The following HTR3C variants were observed in gnomAD, a reference collection of about 807,000 sequenced individuals.
HTR3C encodes the protein 5-hydroxytryptamine receptor 3C.
Under a neutral mutation model 40.5 loss-of-function variants are expected in HTR3C, and 32 were observed. The observed-to-expected ratio is 0.79, with a 90% CI of 0.60 to 1.06. The LOEUF (loss-of-function observed/expected upper bound fraction) is 1.06, where lower values mean the gene tolerates loss of function less well. Ranked by LOEUF, HTR3C falls within the 50% of genes least tolerant of loss-of-function variation. HTR3C has a pLI of 0.00. For synonymous variants in HTR3C, 209 were observed against 217.1 expected, an observed-to-expected ratio of 0.96 and a Z score of 0.33; for missense variants, 523 against 556.8, an observed-to-expected ratio of 0.94 and a Z score of 0.61.
At chr3:184,058,140 G>A (rs1298561047) in intron 5 of HTR3C, among the ~76,000 whole-genome samples, 2 of 152,112 alleles carry the variant, frequency 1.3e-5, no homozygotes, top group African/African-American at 4.8e-5. Context: ...GACTGAGAAG[G>A]AAAATAGGAA....
Position 184,059,568 on chromosome 3 carries a change from C to T in HTR3C, c.853C>T (p.Leu285Phe). ...GAATCGTGCCCCATTCAAGATAACA[C>T]TTCTGCTGGGCTACAACGTCTTCCT... ...SENRAPFKIT[L>F]LLGYNVFLLM... Residue 285 changes from leucine to phenylalanine, a missense_variant, in exon 7 of 9, where the codon CTT becomes TTT. Coordinates refer to ENST00000318351, the MANE Select transcript of HTR3C (RefSeq NM_130770.3). 1 of 1,614,142 alleles carries T rather than the reference C, an allele frequency of 6.2e-7. No individual in the cohort carries two copies. Among genetic ancestry groups the T allele is most frequent in the Non-Finnish European group, 8.5e-7 (1 of 1,180,022 alleles).
chr3:184,056,850 T>C, intron 4 of HTR3C, 25 bp from the exon 5 acceptor site: 1 of 1,567,790 alleles, frequency 6.4e-7, no homozygotes, highest in Non-Finnish European at 8.7e-7. Flanking sequence ...TAAGCCTCCA[T>C]CTCTTCCCTC....
chr3:184,056,398 C>T (rs1398052859), intron 4 of HTR3C, 112 bp downstream of exon 4: 14 of 734,160 alleles, frequency 1.9e-5, no homozygotes, highest in Admixed American at 1.4e-4. Context: ...ACAGTCTCAA[C>T]GAACTGACTT....
intron 8 of HTR3C, 50 bp downstream of exon 8, chr3:184,060,093 A>T (rs780603414): frequency 6.2e-7 from 1 of 1,602,370 alleles, no homozygotes; most frequent in Non-Finnish European, 8.5e-7. Flanking sequence ...TGGGCCCAGC[A>T]CTCCTCTAAT....
Position 184,060,633 on chromosome 3 carries a change from C to T in HTR3C, c.*281C>T. 1 of 506,968 alleles carries T rather than the reference C, an allele frequency of 2.0e-6. No individual in the cohort carries two copies. The highest frequency in any genetic ancestry group is 3.6e-6 in the Non-Finnish European group (1 of 279,066). The allele number at this position is 506,968 out of a possible 1,614,324, so 31.4% of individuals were successfully genotyped here. A position where few individuals can be genotyped will look rare whatever the true frequency, so the allele number is the denominator to read the frequency against. On this transcript the variant is annotated 3_prime_UTR_variant, in exon 9 of 9. Coordinates refer to ENST00000318351, the MANE Select transcript of HTR3C (RefSeq NM_130770.3). ...CAATGGAAGTCCAGGTCAGTGGAGT[C>T]TCTCCTTGATTGATCACCCCAATAA...
chr3:184,056,379 G>C (rs1385364684), intron 4 of HTR3C, 93 bp downstream of exon 4: 1 of 818,166 alleles, frequency 1.2e-6, no homozygotes, highest in Non-Finnish European at 2.1e-6. Flanking sequence ...GAAAGATTCA[G>C]ACAGGCACAC....
chr3:184,054,844 C>T lies in HTR3C; in HGVS notation c.191C>T (p.Thr64Ile). Reference sequence around the variant, plus strand: ...CCATTCACCAACTACAGCATCCCTACCCGTGTCAACATCTCCTTCACCCTG... The same window carrying T: ...CCATTCACCAACTACAGCATCCCTATCCGTGTCAACATCTCCTTCACCCTG... ...FRPFTNYSIP[T>I]RVNISFTLSA... is the part of the protein sequence containing the mutation. The change falls in exon 2 of 9, where the codon ACC (threonine) becomes ATC (isoleucine). Residue 64 changes from threonine to isoleucine, a missense_variant. Transcript: ENST00000318351. 6.2e-7 allele frequency: 1 copy of T among 1,613,086 alleles called. No individual in the cohort carries two copies. The highest frequency in any genetic ancestry group is 8.5e-7 in the Non-Finnish European group (1 of 1,179,436).
chr3:184,060,397 C>G lies in HTR3C; in HGVS notation c.*45C>G. The G allele has an allele frequency of 1.7e-5, 27 of 1,611,750 alleles. No individual in the cohort carries two copies. Among genetic ancestry groups the G allele is most frequent in the Non-Finnish European group, 2.3e-5 (27 of 1,177,886 alleles). ...GGCAAACAACAGCTTGGAGTTTCTG[C>G]TGGTCTTGGGCCAGCCGGACTCATT... On this transcript the variant is annotated 3_prime_UTR_variant, in exon 9 of 9. Coordinates refer to ENST00000318351, the MANE Select transcript of HTR3C (RefSeq NM_130770.3).
At position 184,060,181 on chromosome 3, in the gene HTR3C, GA is replaced by G; in HGVS notation, c.1175del (p.Lys392SerfsTer20). 1 of 1,614,196 alleles carries G rather than the reference GA, an allele frequency of 6.2e-7. No homozygotes were observed. Among genetic ancestry groups the G allele is most frequent in the Non-Finnish European group, 8.5e-7 (1 of 1,180,038 alleles). Reference protein sequence around the residue: ...PKEPGELAGKKLGPRETEPDG... With the variant: ...PKEPGELAGKXLGPRETEPDG... Reference sequence around the variant, plus strand: ...AGGAGCCGGGGGAGTTAGCAGGGAAGAAGCTGGGACCCAGAGAGACCGAGCC... The same window carrying G: ...AGGAGCCGGGGGAGTTAGCAGGGAAGAGCTGGGACCCAGAGAGACCGAGCC... On this transcript the variant is annotated frameshift_variant, in exon 9 of 9. Coordinates refer to ENST00000318351, the MANE Select transcript of HTR3C (RefSeq NM_130770.3). LOFTEE classifies it low-confidence loss of function (END_TRUNC).
rs1177530871 is a variant in HTR3C, at chr3:184,057,050, T to C, written c.559+6T>C. 1.9e-6 allele frequency: 3 copies of C among 1,590,418 alleles called. No individual in the cohort carries two copies. The highest frequency in any genetic ancestry group is 1.4e-5 in the African/African-American group (1 of 73,118). ...CAGTTCTTTCCTCTACACAGGTAAG[T>C]GTGACACATTTTGGTAGCTGTTTAA... On this transcript the variant is annotated splice_donor_region_variant and intron_variant, in intron 5 of 8. Transcript: ENST00000318351.
intron 2 of HTR3C, 152 bp from the exon 3 acceptor site, chr3:184,055,160 C>T (rs1013880183): frequency 1.7e-5 from 11 of 660,144 alleles, no homozygotes; most frequent in Admixed American, 2.6e-5. Context: ...CAGAATTGCC[C>T]ATAGACACAG....
In HTR3C at chr3:184,056,863, T is replaced by C; in HGVS notation, c.390-12T>C. 6.3e-7 allele frequency: 1 copy of C among 1,583,566 alleles called. No individual in the cohort carries two copies. Among genetic ancestry groups the C allele is most frequent in the South Asian group, 1.1e-5 (1 of 87,328 alleles). ...ATTAAGCCTCCATCTCTTCCCTCCC[T>C]TCCCCAAACAGCATGGATGTGGATC... On this transcript the variant is annotated splice_polypyrimidine_tract_variant and intron_variant, in intron 4 of 8. Coordinates refer to ENST00000318351, the MANE Select transcript of HTR3C (RefSeq NM_130770.3).
In HTR3C at chr3:184,056,291, G is replaced by A. The variant is rs753617585; in HGVS notation, c.389+5G>A. The A allele has an allele frequency of 2.6e-5, 41 of 1,598,120 alleles. No homozygotes were observed. Among genetic ancestry groups the A allele is most frequent in the South Asian group, 1.3e-4 (12 of 90,750 alleles). On this transcript the variant is annotated splice_donor_5th_base_variant and intron_variant, in intron 4 of 8. Coordinates refer to ENST00000318351, the MANE Select transcript of HTR3C (RefSeq NM_130770.3). ...AGACATCTTCATCGTGGAATCGTGCGTATGCAGGCTGGGGAAGCCAGCGTG... is the reference window on the plus strand; with the variant it reads ...AGACATCTTCATCGTGGAATCGTGCATATGCAGGCTGGGGAAGCCAGCGTG...
chr3:184,056,903 C>T lies in HTR3C; in HGVS notation c.418C>T (p.Leu140Phe), dbSNP rs1436847557. ...SMDVDQTPSGLTAYISSEGRI... is the reference protein window; with the variant it reads ...SMDVDQTPSGFTAYISSEGRI... ...GGATGTGGATCAGACGCCTTCCGGTCTCACTGCCTATATCAGCAGTGAAGG... is the reference window on the plus strand; with the variant it reads ...GGATGTGGATCAGACGCCTTCCGGTTTCACTGCCTATATCAGCAGTGAAGG... Residue 140 changes from leucine to phenylalanine, a missense_variant, in exon 5 of 9, where the codon CTC becomes TTC. By Grantham distance (22) the Leu-to-Phe change is conservative. Transcript: ENST00000318351. 1 of 1,611,648 alleles carries T rather than the reference C, an allele frequency of 6.2e-7. No individual in the cohort carries two copies.
At chr3:184,059,010 C>T (rs1723386478) in intron 6 of HTR3C, among the ~76,000 whole-genome samples, 1 of 152,106 alleles carries the variant, frequency 6.6e-6, no homozygotes, top group Non-Finnish European at 1.5e-5. Context: ...GAGGGTTGGG[C>T]ACCTGCTCCC....
Position 184,060,313 on chromosome 3 carries a change from C to T in HTR3C, c.1305C>T (p.Ala435=). The change falls in exon 9 of 9, where the codon GCC becomes GCT. Residue 435 remains alanine, a synonymous_variant. Coordinates refer to ENST00000318351, the MANE Select transcript of HTR3C (RefSeq NM_130770.3). The part of the protein sequence containing the change: ...LLFRLYLLFM[A]SSILTVIVLW... ...TCCGCCTCTACCTGCTCTTCATGGC[C>T]TCCTCCATCCTTACTGTCATTGTCC... 3 of 1,614,216 alleles carry T rather than the reference C, an allele frequency of 1.9e-6. No individual in the cohort carries two copies. Among genetic ancestry groups the T allele is most frequent in the Non-Finnish European group, 2.5e-6 (3 of 1,180,042 alleles).
chr3:184,054,640 G>T, intron 1 of HTR3C, 81 bp from the exon 2 acceptor site: 1 of 1,231,020 alleles, frequency 8.1e-7, no homozygotes, highest in African/African-American at 1.6e-5. Context: ...CTCTCAGTAC[G>T]TCCCCTATTT....
Position 184,056,250 on chromosome 3 carries a change from A to C in HTR3C, c.353A>C (p.Glu118Ala). The C allele has an allele frequency of 6.2e-7, 1 of 1,613,930 alleles. No individual in the cohort carries two copies. Among genetic ancestry groups the C allele is most frequent in the Non-Finnish European group, 8.5e-7 (1 of 1,179,778 alleles). Residue 118 changes from glutamate (E) to alanine (A), a missense_variant, in exon 4 of 9, where the codon GAA (glutamate) becomes GCA (alanine). Glu to Ala is a moderately radical substitution (Grantham distance 107). Transcript: ENST00000318351. Reference protein sequence around the residue: ...VGINKLTVLAENLWLPDIFIV... With the variant: ...VGINKLTVLAANLWLPDIFIV... ...ATCAATAAACTCACAGTATTAGCTG[A>C]AAACCTGTGGCTCCCAGACATCTTC...
chr3:184,059,439 G>A lies in HTR3C; in HGVS notation c.724G>A (p.Ala242Thr). The change falls in exon 7 of 9, where the codon GCC (alanine) becomes ACC (threonine). Residue 242 changes from alanine (A) to threonine (T), a missense_variant. Transcript: ENST00000318351. ...NLYDQIMFYV[A>T]IRRRPSLYII... Reference sequence around the variant, plus strand: ...ATCTTCTCCGGTCTCTCTCCAGGTGGCCATCAGGCGCAGGCCAAGCCTCTA... The same window carrying A: ...ATCTTCTCCGGTCTCTCTCCAGGTGACCATCAGGCGCAGGCCAAGCCTCTA... The A allele has an allele frequency of 6.2e-7, 1 of 1,614,004 alleles. No individual in the cohort carries two copies. Among genetic ancestry groups the A allele is most frequent in the Non-Finnish European group, 8.5e-7 (1 of 1,179,932 alleles).
Sources: gnomAD v4.1 joint callset for allele counts (sites outside exome capture counted in the v4.1 genomes callset) on GRCh38, gnomAD v4.1.1 for gene constraint, MANE v1.5 for transcripts, NCBI Gene and HGNC (gene_info 2026-07-23, HGNC 2026-07-21) for gene names.